Variants in GPC1 observed in about 807,000 individuals in gnomAD.
The protein encoded by GPC1 is glypican-1.
GPC1 carries 26 observed loss-of-function variants against 51.5 expected under a neutral mutation model. The observed-to-expected ratio is 0.50, with a 90% CI of 0.37 to 0.70. The LOEUF is 0.70. Ranked by LOEUF, GPC1 falls within the 30% of genes least tolerant of loss-of-function variation. The pLI, the probability that GPC1 is intolerant of heterozygous loss-of-function variation, is 0.00. For synonymous variants in GPC1, 380 were observed against 348.3 expected (o/e 1.09, Z -1.01); for missense variants, 775 against 800.5 (o/e 0.97, Z 0.38).
chr2:240,453,779 C>CGGCGGCT (rs1196044466), intron 1 of GPC1, among the ~76,000 whole-genome samples: 1 of 151,726 alleles, frequency 6.6e-6, no homozygotes, highest in African/African-American at 2.4e-5. Flanking sequence ...TCCCTGGCCG[C>CGGCGGCT]GGCGGCTGGC....
In GPC1 at chr2:240,436,025, G is replaced by A. The variant is rs867020990; in HGVS notation, c.107G>A (p.Arg36His). Residue 36 changes from arginine to histidine, a missense_variant, in exon 1 of 9, where the codon CGC becomes CAC. Transcript: ENST00000264039. ...ASKSRSCGEV[R>H]QIYGAKGFSL... Reference sequence around the variant, plus strand: ...AAGAGCCGGAGCTGCGGCGAGGTCCGCCAGATCTACGGAGCCAAGGGCTTC... The same window carrying A: ...AAGAGCCGGAGCTGCGGCGAGGTCCACCAGATCTACGGAGCCAAGGGCTTC... 7.2e-7 allele frequency: 1 copy of A among 1,385,934 alleles called. No homozygotes were observed. The allele number at this position is 1,385,934 out of a possible 1,614,324, so 85.9% of individuals were successfully genotyped here. A position where few individuals can be genotyped will look rare whatever the true frequency, so the allele number is the denominator to read the frequency against.
intron 1 of GPC1, chr2:240,450,318 C>T (rs2074085914): frequency 1.2e-5 from 4 of 337,300 alleles, no homozygotes; most frequent in South Asian, 9.0e-5. Flanking sequence ...TCAGCTCCTG[C>T]TTCAGCCTTT....
At chr2:240,436,530 C>T (rs917698166) in intron 1 of GPC1, among the ~76,000 whole-genome samples, 3 of 152,204 alleles carry the variant, frequency 2.0e-5, no homozygotes, top group African/African-American at 7.2e-5. Flanking sequence ...TTCGGGGCGC[C>T]GCTGACGGTG....
chr2:240,445,511 CAG>C (rs1559194899), intron 1 of GPC1, among the ~76,000 whole-genome samples: 2 of 152,102 alleles, frequency 1.3e-5, no homozygotes, highest in East Asian at 1.9e-4. Context: ...AGAGGGAGCT[CAG>C]GGGAGGGGGC....
At chr2:240,449,888 T>G (rs2151789117) in intron 1 of GPC1, 1 of 470,784 alleles carries the variant, frequency 2.1e-6, no homozygotes. Context: ...AATTTCTTCC[T>G]TTTCACGGAT....
In GPC1 at chr2:240,465,647, C is replaced by G; in HGVS notation, c.1443C>G (p.Ala481=). The stretch of plus-strand genomic sequence containing the variant: ...GCAACGACGTGGACTTCCAGGACGC[C>G]AGTGAGGGCAGGGCCTGGCCGGGCG... The part of the protein sequence containing the change: ...YNGNDVDFQD[A]SDDGSGSGSG... The change falls in exon 8 of 9, where the codon GCC becomes GCG. Residue 481 remains alanine, a splice_region_variant and synonymous_variant. Transcript: ENST00000264039. 1 of 1,612,434 alleles carries G rather than the reference C, an allele frequency of 6.2e-7. No homozygotes were observed. Among genetic ancestry groups the G allele is most frequent in the South Asian group, 1.1e-5 (1 of 91,062 alleles).
intron 1 of GPC1, among the ~76,000 whole-genome samples, chr2:240,455,360 A>G (rs907904363): frequency 1.3e-5 from 2 of 152,168 alleles, no homozygotes; most frequent in Non-Finnish European, 2.9e-5. Context: ...CAGGGAAGAG[A>G]GGGTCCAGTC....
chr2:240,464,759 G>C lies in GPC1; in HGVS notation c.1014+13G>C, dbSNP rs369703577. Reference sequence around the variant, plus strand: ...GCTCACGGCCAAGGTGCGGGCAGGAGGACGTGACGAGCACAGCGGGGTGGG... The same window carrying C: ...GCTCACGGCCAAGGTGCGGGCAGGACGACGTGACGAGCACAGCGGGGTGGG... On this transcript the variant is annotated intron_variant, in intron 5 of 8. Coordinates refer to ENST00000264039, the MANE Select transcript of GPC1 (RefSeq NM_002081.3). 2.5e-6 allele frequency: 4 copies of C among 1,600,976 alleles called. No individual in the cohort carries two copies. The African/African-American group carries it at 4.0e-5, about 16-fold the overall frequency.
chr2:240,464,677 C>G lies in GPC1; in HGVS notation c.945C>G (p.Gly315=), dbSNP rs372335591. The G allele has an allele frequency of 3.7e-6, 6 of 1,612,978 alleles. No individual in the cohort carries two copies. Among genetic ancestry groups the G allele is most frequent in the Middle Eastern group, 1.6e-4 (1 of 6,084 alleles). ...WGTSGVESVI[G]SVHTWLAEAI... ...CATCGGGTGTGGAGAGTGTCATCGG[C>G]AGCGTGCACACGTGGCTGGCGGAGG... The change falls in exon 5 of 9, where the codon GGC becomes GGG. Residue 315 remains glycine, a synonymous_variant. Coordinates refer to ENST00000264039, the MANE Select transcript of GPC1 (RefSeq NM_002081.3).
intron 1 of GPC1, among the ~76,000 whole-genome samples, chr2:240,441,754 G>GT (rs1386675147): frequency 2.0e-5 from 3 of 152,232 alleles, no homozygotes; most frequent in African/African-American, 7.2e-5. Context: ...TCCTGACGGG[G>GT]TGGGGGGTGC....
intron 3 of GPC1, 79 bp from the exon 4 acceptor site, chr2:240,463,268 C>G: frequency 7.7e-7 from 1 of 1,299,422 alleles, no homozygotes; most frequent in Non-Finnish European, 1.1e-6. Context: ...GCCCCCTACC[C>G]TGGGGCTTCG....
chr2:240,458,040 G>T, intron 1 of GPC1: 2 of 470,872 alleles, frequency 4.2e-6, no homozygotes, highest in South Asian at 1.5e-5. Flanking sequence ...GTGTGGCCCC[G>T]TCAGTGTGGA....
At chr2:240,451,376 T>C (rs2151790011) in intron 1 of GPC1, 1 of 411,498 alleles carries the variant, frequency 2.4e-6, no homozygotes, top group Non-Finnish European at 5.1e-6. Flanking sequence ...CTTCCAGGCC[T>C]CCTTGGGTGC....
At chr2:240,446,103 G>A (rs2074048612) in intron 1 of GPC1, among the ~76,000 whole-genome samples, 2 of 152,276 alleles carry the variant, frequency 1.3e-5, no homozygotes, top group South Asian at 2.1e-4. Flanking sequence ...TGAGCAGCAA[G>A]TCGCCCTCGC....
At chr2:240,463,191 C>T (rs1346112136) in intron 3 of GPC1, among the ~76,000 whole-genome samples, 156 bp from the exon 4 acceptor site, 1 of 152,012 alleles carries the variant, frequency 6.6e-6, no homozygotes, top group Non-Finnish European at 1.5e-5. Context: ...CTGGCAGGCC[C>T]TGCGAGTCAG....
intron 1 of GPC1, chr2:240,453,244 C>A (rs1253608172): frequency 1.7e-5 from 3 of 172,688 alleles, no homozygotes; most frequent in East Asian, 4.2e-4. Context: ...AGTCCCACCC[C>A]ACCCGTCGCC....
chr2:240,465,332 C>A, intron 7 of GPC1, 122 bp downstream of exon 7: 1 of 1,359,054 alleles, frequency 7.4e-7, no homozygotes, highest in Non-Finnish European at 1.0e-6. Context: ...CCCCACTTCT[C>A]TGCGGCCTGT....
Position 240,459,035 on chromosome 2 carries a change from C to T in GPC1, c.172C>T (p.His58Tyr), listed in dbSNP as rs2074194202. ...ACACTGGCCTTTCCCCACAGGTGAGCACCTGCGGATCTGTCCCCAGGGCTA... is the reference window on the plus strand; with the variant it reads ...ACACTGGCCTTTCCCCACAGGTGAGTACCTGCGGATCTGTCCCCAGGGCTA... ...DVPQAEISGE[H>Y]LRICPQGYTC... The change falls in exon 2 of 9, where the codon CAC (histidine) becomes TAC (tyrosine). Residue 58 changes from histidine (H) to tyrosine (Y), a missense_variant. Physicochemically the swap from His to Tyr is moderately conservative, Grantham distance 83 (BLOSUM62 2). Coordinates refer to ENST00000264039, the MANE Select transcript of GPC1 (RefSeq NM_002081.3). 40 of 1,612,538 alleles carry T rather than the reference C, an allele frequency of 2.5e-5. No homozygotes were observed. Among genetic ancestry groups the T allele is most frequent in the Non-Finnish European group, 3.4e-5 (40 of 1,179,660 alleles).
At chr2:240,458,623 G>A (rs1454931242) in intron 1 of GPC1, 1 of 185,000 alleles carries the variant, frequency 5.4e-6, no homozygotes, top group African/African-American at 2.3e-5. Flanking sequence ...GAGGGGGATT[G>A]GATTCCTTCC....
Sources: allele counts gnomAD v4.1 joint callset (sites outside exome capture counted in the v4.1 genomes callset), GRCh38; gene constraint gnomAD v4.1.1; transcripts MANE v1.5; gene names NCBI Gene and HGNC (gene_info 2026-07-23, HGNC 2026-07-21).